The following YEATS2 variants were observed in gnomAD, a reference collection of about 807,000 sequenced individuals.
The protein encoded by YEATS2 is YEATS domain-containing protein 2.
Under a neutral mutation model 163.2 loss-of-function variants are expected in YEATS2, and 77 were observed. The observed-to-expected ratio is 0.47, with a 90% CI of 0.39 to 0.57. The LOEUF is 0.57. YEATS2 is among the 20% of genes least tolerant of loss of function. YEATS2 has a pLI of 0.00. For missense variants in YEATS2, 1,549 were observed against 1,729.8 expected (o/e 0.90, Z 1.85); for synonymous variants, 631 against 645.1 (o/e 0.98, Z 0.33).
chr3:183,800,061 T>G (rs961523487), intron 23 of YEATS2, among the ~76,000 whole-genome samples: 1 of 152,026 alleles, frequency 6.6e-6, no homozygotes, highest in African/African-American at 2.4e-5. Context: ...CTTGATCTCC[T>G]GACCTCGTGA....
At chr3:183,736,572 G>A in intron 7 of YEATS2, 146 bp from the exon 8 acceptor site, 5 of 575,034 alleles carry the variant, frequency 8.7e-6, no homozygotes, top group Admixed American at 7.4e-5. Context: ...AGCAAAATTC[G>A]GCATGTTGAT....
rs142688193 is a variant in YEATS2, at chr3:183,781,915, ATTTT to A, written c.2737-4203_2737-4200del. Among the ~76,000 whole-genome samples, 3 of 149,044 alleles carry A rather than the reference ATTTT, an allele frequency of 2.0e-5. No individual in the cohort carries two copies. In the Admixed American group the frequency reaches 2.0e-4, roughly 10 times the overall value. On this transcript the variant is annotated intron_variant, in intron 19 of 30. Coordinates refer to ENST00000305135, the MANE Select transcript of YEATS2 (RefSeq NM_018023.5). Reference sequence around the variant, plus strand: ...AACACCCTGTCTTAAAAAAAAAAAAATTTTTTTTTTCTATCACCATTTTTCTGTT... The same window carrying A: ...AACACCCTGTCTTAAAAAAAAAAAAATTTTTTCTATCACCATTTTTCTGTT...
At chr3:183,741,265 A>C (rs531416841) in intron 8 of YEATS2, among the ~76,000 whole-genome samples, 16 of 152,174 alleles carry the variant, frequency 1.1e-4, no homozygotes, top group Admixed American at 2.6e-4. Flanking sequence ...AATTGAAACC[A>C]GCGCTTATTT....
rs375763175 is a variant in YEATS2 at position 183,778,233 on chromosome 3, TATTCTC to T, written c.2736+536_2736+541del. Reference sequence around the variant, plus strand: ...ATGAGAAAATTAAGGACCCAGGTGTTATTCTCATATGCAAACACTTAAGATATCTTG... The same window carrying T: ...ATGAGAAAATTAAGGACCCAGGTGTTATATGCAAACACTTAAGATATCTTG... On this transcript the variant is annotated intron_variant, in intron 19 of 30. Coordinates refer to ENST00000305135, the MANE Select transcript of YEATS2 (RefSeq NM_018023.5). Among the ~76,000 whole-genome samples the T allele has an allele frequency of 3.3e-4, 51 of 152,266 alleles. No individual in the cohort carries two copies. The South Asian group carries it at 3.5e-3, about 11-fold the overall frequency.
chr3:183,801,392 ATG>A, intron 24 of YEATS2, 61 bp from the exon 25 acceptor site: 1 of 1,169,984 alleles, frequency 8.5e-7, no homozygotes, highest in Non-Finnish European at 1.2e-6. Context: ...TGGCATATAT[ATG>A]GCTATAGAAA....
At chr3:183,752,396 C>T (rs1385188113) in intron 10 of YEATS2, 143 bp downstream of exon 10, 2 of 1,028,644 alleles carry the variant, frequency 1.9e-6, no homozygotes, top group African/African-American at 1.6e-5. Flanking sequence ...TTATGAAAGC[C>T]AAATTTCCAC....
Position 183,756,527 on chromosome 3 carries a change from G to A in YEATS2, c.1391-1G>A. On this transcript the variant is annotated splice_acceptor_variant, in intron 11 of 30. Transcript: ENST00000305135. LOFTEE classifies it high-confidence loss of function. ...TGTATTCTCTCTTTTTAATTAATAAGGTTCCCCAATATCAACTCCAAGCCC... is the reference window on the plus strand; with the variant it reads ...TGTATTCTCTCTTTTTAATTAATAAAGTTCCCCAATATCAACTCCAAGCCC... 6.5e-7 allele frequency: 1 copy of A among 1,540,758 alleles called. No homozygotes were observed. Among genetic ancestry groups the A allele is most frequent in the Non-Finnish European group, 8.7e-7 (1 of 1,147,146 alleles).
intron 20 of YEATS2, among the ~76,000 whole-genome samples, chr3:183,788,492 A>G (rs1295937671): frequency 6.6e-6 from 1 of 152,212 alleles, no homozygotes; most frequent in Non-Finnish European, 1.5e-5. Flanking sequence ...ATTCTTTCTT[A>G]TAACGGAATA....
intron 6 of YEATS2, among the ~76,000 whole-genome samples, chr3:183,726,127 C>G (rs1299228411): frequency 6.6e-6 from 1 of 151,786 alleles, no homozygotes; most frequent in Non-Finnish European, 1.5e-5. Flanking sequence ...AACCAAGGTC[C>G]AGAGATTGGA....
rs1453359862 is a variant in YEATS2 at position 183,756,525 on chromosome 3, A to G, written c.1391-3A>G. 2 of 1,537,956 alleles carry G rather than the reference A, an allele frequency of 1.3e-6. No homozygotes were observed. The highest frequency in any genetic ancestry group is 1.7e-6 in the Non-Finnish European group (2 of 1,145,870). The stretch of plus-strand genomic sequence containing the variant: ...TTTGTATTCTCTCTTTTTAATTAAT[A>G]AGGTTCCCCAATATCAACTCCAAGC... On this transcript the variant is annotated splice_region_variant and splice_polypyrimidine_tract_variant and intron_variant, in intron 11 of 30. Transcript: ENST00000305135.
intron 8 of YEATS2, among the ~76,000 whole-genome samples, chr3:183,745,189 T>C (rs1719399323): frequency 6.6e-6 from 1 of 152,224 alleles, no homozygotes; most frequent in Non-Finnish European, 1.5e-5. Context: ...TGCTGTCTCC[T>C]GATAGGCTTT....
intron 14 of YEATS2, 34 bp downstream of exon 14, chr3:183,761,648 A>G (rs968591530): frequency 1.9e-6 from 3 of 1,591,092 alleles, no homozygotes; most frequent in Admixed American, 3.3e-5. Context: ...CCCACAAGTC[A>G]TAATACTTTT....
At chr3:183,711,940 C>T (rs1298895444) in intron 1 of YEATS2, among the ~76,000 whole-genome samples, 3 of 151,488 alleles carry the variant, frequency 2.0e-5, no homozygotes, top group Non-Finnish European at 4.4e-5. Context: ...CTGCCTCAGC[C>T]TCCTGAGTAG....
chr3:183,776,809 G>A (rs922106644), intron 18 of YEATS2, among the ~76,000 whole-genome samples: 1 of 152,004 alleles, frequency 6.6e-6, no homozygotes, highest in Admixed American at 6.6e-5. Flanking sequence ...AAAATCAGTC[G>A]GGTGTGGTGG....
At chr3:183,707,388 C>A (rs1000640317) in intron 1 of YEATS2, among the ~76,000 whole-genome samples, 4 of 152,084 alleles carry the variant, frequency 2.6e-5, no homozygotes, top group Admixed American at 6.6e-5. Context: ...CTGTTGTTGC[C>A]TGCATCAAGA....
chr3:183,810,254 T>G (rs541025852), intron 30 of YEATS2: 39 of 480,606 alleles, frequency 8.1e-5, no homozygotes, highest in African/African-American at 6.3e-4. Flanking sequence ...GTTCTCAGAA[T>G]CTTTTTTCCT....
At chr3:183,798,410 G>A (rs149843804) in intron 22 of YEATS2, among the ~76,000 whole-genome samples, 49 of 152,338 alleles carry the variant, frequency 3.2e-4, no homozygotes, top group Non-Finnish European at 5.4e-4. Flanking sequence ...CTGGAGTGCA[G>A]TGGCAAGATC....
Position 183,717,682 on chromosome 3 carries a change from T to TA in YEATS2, c.133dup (p.Ile45AsnfsTer9). On this transcript the variant is annotated frameshift_variant, in exon 3 of 31. Coordinates refer to ENST00000305135, the MANE Select transcript of YEATS2 (RefSeq NM_018023.5). LOFTEE classifies it high-confidence loss of function. Reference sequence around the variant, plus strand: ...ATGCTGCTGTGCAGAAGATTGAGACTATTATCAAAGAACAGTTTGCTCTTG... The same window carrying TA: ...ATGCTGCTGTGCAGAAGATTGAGACTAATTATCAAAGAACAGTTTGCTCTTG... 1 of 1,571,624 alleles carries TA rather than the reference T, an allele frequency of 6.4e-7. No individual in the cohort carries two copies. The highest frequency in any genetic ancestry group is 8.6e-7 in the Non-Finnish European group (1 of 1,165,170).
rs1724587317 is a variant in YEATS2, at chr3:183,791,078, A to G, written c.3097+98A>G. 3 of 1,470,038 alleles carry G rather than the reference A, an allele frequency of 2.0e-6. No individual in the cohort carries two copies. In the South Asian group the frequency reaches 3.9e-5, roughly 19 times the overall value. 91.1% of individuals were successfully genotyped at this position (1,470,038 alleles called of 1,614,324 possible). Reference sequence around the variant, plus strand: ...AGATAGCGTCTCACTCTGTCGCCCAAGCTAGAGTGCAATATCACAATCTCG... The same window carrying G: ...AGATAGCGTCTCACTCTGTCGCCCAGGCTAGAGTGCAATATCACAATCTCG... On this transcript the variant is annotated intron_variant, in intron 21 of 30. Coordinates refer to ENST00000305135, the MANE Select transcript of YEATS2 (RefSeq NM_018023.5).
Sources: gnomAD v4.1 joint callset for allele counts (sites outside exome capture counted in the v4.1 genomes callset) on GRCh38, gnomAD v4.1.1 for gene constraint, MANE v1.5 for transcripts, NCBI Gene and HGNC (gene_info 2026-07-23, HGNC 2026-07-21) for gene names.